The following GRIA1 variants were observed in gnomAD, a reference collection of about 807,000 sequenced individuals.
GRIA1 encodes the protein glutamate receptor 1.
GRIA1 carries 31 observed loss-of-function variants against 99.2 expected under a neutral mutation model. The observed-to-expected ratio is 0.31, with a 90% confidence interval of 0.23 to 0.42. The LOEUF (loss-of-function observed/expected upper bound fraction) is 0.42, where lower values mean the gene tolerates loss of function less well. Among genes scored for constraint, GRIA1 ranks in the 10% least tolerant of loss-of-function variants. The pLI is 1.00. For missense variants in GRIA1, 782 were observed against 1,157.5 expected (o/e 0.68, Z 4.71); for synonymous variants, 438 against 432.4 (o/e 1.01, Z -0.16).
chr5:153,733,100 T>C (rs1372589425), intron 11 of GRIA1, among the ~76,000 whole-genome samples: 1 of 151,870 alleles, frequency 6.6e-6, no homozygotes, highest in African/African-American at 2.4e-5. Context: ...AAAATAATTA[T>C]ATTTAAATAA....
At chr5:153,703,004 G>A (rs1331546889) in intron 10 of GRIA1, among the ~76,000 whole-genome samples, 2 of 152,192 alleles carry the variant, frequency 1.3e-5, no homozygotes, top group Admixed American at 1.3e-4. Context: ...TCTGAGATCC[G>A]CTGTGCCCTC....
intron 5 of GRIA1, among the ~76,000 whole-genome samples, chr5:153,664,297 T>C (rs1265584076): frequency 6.6e-6 from 1 of 152,184 alleles, no homozygotes; most frequent in African/African-American, 2.4e-5. Context: ...ATAATCCTTA[T>C]GTTGCAGCAA....
intron 2 of GRIA1, among the ~76,000 whole-genome samples, chr5:153,595,461 T>A (rs1171368312): frequency 6.6e-6 from 1 of 152,150 alleles, no homozygotes; most frequent in Non-Finnish European, 1.5e-5. Flanking sequence ...GAAGTCACTA[T>A]GTCCAGTCTA....
At chr5:153,775,578 C>T (rs937320614) in intron 13 of GRIA1, among the ~76,000 whole-genome samples, 2 of 152,184 alleles carry the variant, frequency 1.3e-5, no homozygotes, top group Admixed American at 1.3e-4. Context: ...CATTTAGCTT[C>T]ACCGATTGGT....
rs555782970 is a variant in GRIA1, at chr5:153,550,326, T to G, written c.220+56261T>G. On this transcript the variant is annotated intron_variant, in intron 2 of 15. Transcript: ENST00000285900. ...GTAGAGAGCTGTGTCATGAAGGCTCTCCAGGGGTGAATGGGAGAGGCTAAC... is the reference window on the plus strand; with the variant it reads ...GTAGAGAGCTGTGTCATGAAGGCTCGCCAGGGGTGAATGGGAGAGGCTAAC... Among the ~76,000 whole-genome samples the G allele has an allele frequency of 9.6e-4, 146 of 151,956 alleles. 5 individuals carry two copies. The South Asian group carries it at 0.03, about 31-fold the overall frequency.
intron 5 of GRIA1, among the ~76,000 whole-genome samples, chr5:153,673,706 A>G (rs1365929975): frequency 6.6e-6 from 1 of 152,228 alleles, no homozygotes; most frequent in Non-Finnish European, 1.5e-5. Flanking sequence ...AAAAGGATAA[A>G]CTGAAATGAG....
intron 8 of GRIA1, among the ~76,000 whole-genome samples, chr5:153,690,235 G>T (rs1344158174): frequency 6.6e-6 from 1 of 151,568 alleles, no homozygotes; most frequent in East Asian, 1.9e-4. Flanking sequence ...AAGGAAAGAA[G>T]ATGGAAGTAA....
At chr5:153,658,119 A>G (rs1490578261) in intron 5 of GRIA1, among the ~76,000 whole-genome samples, 1 of 152,196 alleles carries the variant, frequency 6.6e-6, no homozygotes, top group Non-Finnish European at 1.5e-5. Flanking sequence ...CACCAAGGGT[A>G]GCAGGCAGTA....
chr5:153,503,140 A>G (rs1291493916), intron 2 of GRIA1, among the ~76,000 whole-genome samples: 1 of 152,002 alleles, frequency 6.6e-6, no homozygotes, highest in Non-Finnish European at 1.5e-5. Context: ...TTTTTTTCTT[A>G]AAAACAGTGC....
chr5:153,683,620 A>G (rs1757139578), intron 7 of GRIA1, among the ~76,000 whole-genome samples: 1 of 152,194 alleles, frequency 6.6e-6, no homozygotes, highest in Admixed American at 6.5e-5. Flanking sequence ...GGAAGGCAGT[A>G]AAAGTGTCAG....
intron 2 of GRIA1, among the ~76,000 whole-genome samples, chr5:153,533,907 A>G (rs976935316): frequency 1.3e-5 from 2 of 152,258 alleles, no homozygotes; most frequent in Admixed American, 1.3e-4. Context: ...GGTTTAGCAT[A>G]GAATAACTCA....
chr5:153,528,594 CT>C (rs1757821201), intron 2 of GRIA1, among the ~76,000 whole-genome samples: 1 of 152,208 alleles, frequency 6.6e-6, no homozygotes, highest in Non-Finnish European at 1.5e-5. Flanking sequence ...GCTGATGCTG[CT>C]GGTCCAGGGA....
At chr5:153,747,479 GA>G in intron 11 of GRIA1, among the ~76,000 whole-genome samples, 1 of 152,238 alleles carries the variant, frequency 6.6e-6, no homozygotes, top group East Asian at 1.9e-4. Context: ...TCTCTCAGGG[GA>G]TACACCCACC....
At chr5:153,647,739 A>G (rs1561725822) in intron 3 of GRIA1, among the ~76,000 whole-genome samples, 1 of 152,066 alleles carries the variant, frequency 6.6e-6, no homozygotes, top group South Asian at 2.1e-4. Flanking sequence ...CATAATCTTC[A>G]TCCTTCTCTG....
intron 11 of GRIA1, chr5:153,755,752 ATTCTGCAGCCATCCACAGGAAAAAAGTCT>A (rs1762787591): frequency 6.6e-6 from 1 of 152,208 alleles, no homozygotes; most frequent in Non-Finnish European, 1.5e-5. Context: ...AACAATAAGA[ATTCTGCAGCCATCCACAGGAAAAAAGTCT>A]CTCTGCAGGA....
intron 10 of GRIA1, among the ~76,000 whole-genome samples, chr5:153,700,030 G>C (rs2149514319): frequency 6.6e-6 from 1 of 152,318 alleles, no homozygotes; most frequent in South Asian, 2.1e-4. Flanking sequence ...TCAGCTAAGG[G>C]CTAACTAGAG....
chr5:153,589,567 A>C (rs1356901707), intron 2 of GRIA1, among the ~76,000 whole-genome samples: 2 of 152,130 alleles, frequency 1.3e-5, no homozygotes, highest in Non-Finnish European at 2.9e-5. Flanking sequence ...AAGTGCTCTA[A>C]CATGTGCTCG....
At chr5:153,578,142 C>A in intron 2 of GRIA1, among the ~76,000 whole-genome samples, 1 of 73,890 alleles carries the variant, frequency 1.4e-5, no homozygotes, top group Non-Finnish European at 2.4e-5. Flanking sequence ...CAGAGAGAGA[C>A]TCTGTCAAAA....
intron 11 of GRIA1, 56 bp downstream of exon 11, chr5:153,706,123 T>TGTTTGTTTGTTC (rs2149521343): frequency 6.7e-7 from 1 of 1,499,442 alleles, no homozygotes; most frequent in East Asian, 2.3e-5. Context: ...TTTGTTTGTT[T>TGTTTGTTTGTTC]GTTTGTTTGT....
Sources: gnomAD v4.1 joint callset for allele counts (sites outside exome capture counted in the v4.1 genomes callset) on GRCh38, gnomAD v4.1.1 for gene constraint, MANE v1.5 for transcripts, NCBI Gene and HGNC (gene_info 2026-07-23, HGNC 2026-07-21) for gene names.